Variants in WWTR1 observed in about 807,000 individuals in gnomAD.
WWTR1 encodes WW domain-containing transcription regulator protein 1.
WWTR1 carries 13 observed loss-of-function variants against 40.1 expected under a neutral mutation model. The ratio of observed to expected loss-of-function variants is 0.32; its 90% CI spans 0.21 to 0.52. The LOEUF (loss-of-function observed/expected upper bound fraction) is 0.52. WWTR1 is among the 20% of genes least tolerant of loss of function. The probability of loss-of-function intolerance (pLI) is 0.97; values close to 1 mark genes in which losing one functional copy is unlikely to be tolerated. For missense variants in WWTR1, 436 were observed against 523.1 expected (o/e 0.83, Z 1.63); for synonymous variants, 230 against 210.1 (o/e 1.09, Z -0.82).
At chr3:149,640,973 G>A (rs1712140830) in intron 2 of WWTR1, among the ~76,000 whole-genome samples, 1 of 151,940 alleles carries the variant, frequency 6.6e-6, no homozygotes, top group African/African-American at 2.4e-5. Flanking sequence ...CAAGTCACTG[G>A]CAAATCAAAG....
chr3:149,616,494 G>A (rs1442217956), intron 2 of WWTR1, among the ~76,000 whole-genome samples: 3 of 151,188 alleles, frequency 2.0e-5, no homozygotes, highest in Non-Finnish European at 4.4e-5. Context: ...CCAGGCTGGA[G>A]TGCAATGGCA....
intron 1 of WWTR1, among the ~76,000 whole-genome samples, chr3:149,698,993 C>A (rs1453918617): frequency 1.3e-5 from 2 of 152,190 alleles, no homozygotes; most frequent in Non-Finnish European, 2.9e-5. Context: ...AGGCCTTTTT[C>A]CCATTGTCTT....
Position 149,519,938 on chromosome 3 carries a change from G to A in WWTR1, c.*867C>T, listed in dbSNP as rs1261793584. ...AGCCTGGACAACAAGAGCAAAACTC[G>A]ATCTCAAAAACAAACAAACAACATC... On this transcript the variant is annotated 3_prime_UTR_variant, in exon 7 of 7. Transcript: ENST00000360632. 6.7e-6 allele frequency: 1 copy of A among 149,508 alleles called. No individual in the cohort carries two copies. Among genetic ancestry groups the A allele is most frequent in the Non-Finnish European group, 1.5e-5 (1 of 67,316 alleles). The allele number at this position is 149,508 out of a possible 1,614,324, so 9.3% of individuals were successfully genotyped here. A position where few individuals can be genotyped will look rare whatever the true frequency, so the allele number is the denominator to read the frequency against.
chr3:149,652,705 T>G (rs1304619007), intron 2 of WWTR1, among the ~76,000 whole-genome samples: 1 of 115,012 alleles, frequency 8.7e-6, no homozygotes, highest in Non-Finnish European at 1.9e-5. Context: ...CAGACAAATT[T>G]AAAATATTAT....
intron 3 of WWTR1, among the ~76,000 whole-genome samples, chr3:149,551,894 A>G (rs1410862914): frequency 1.4e-5 from 2 of 146,040 alleles, no homozygotes; most frequent in African/African-American, 5.2e-5. Context: ...TCCTTGGATT[A>G]AAAATTGGTG....
chr3:149,536,740 C>T (rs1735855172), intron 4 of WWTR1, among the ~76,000 whole-genome samples: 1 of 135,362 alleles, frequency 7.4e-6, no homozygotes, highest in South Asian at 2.5e-4. Context: ...TTCTCCTGTC[C>T]CCCAACCCCC....
At position 149,679,780 on chromosome 3, in the gene WWTR1, A is replaced by G. The variant is rs78394984; in HGVS notation, c.-107-9889T>C. Among the ~76,000 whole-genome samples the G allele has an allele frequency of 4.2e-3, 635 of 152,276 alleles. 5 individuals carry two copies. The highest frequency in any genetic ancestry group is 0.015 in the African/African-American group (610 of 41,558). The stretch of plus-strand genomic sequence containing the variant: ...TAAAAACCTCTCAGGTGGAATAATG[A>G]TATACTTTTATGAGGAAATGGACAG... On this transcript the variant is annotated intron_variant, in intron 1 of 7. Transcript: ENST00000465804.
chr3:149,663,093 C>T (rs1300704161), intron 2 of WWTR1, among the ~76,000 whole-genome samples: 3 of 152,050 alleles, frequency 2.0e-5, no homozygotes, highest in South Asian at 2.1e-4. Context: ...AGTGCAATGG[C>T]GCAATCTCAG....
chr3:149,667,004 C>G (rs4681536), intron 2 of WWTR1, among the ~76,000 whole-genome samples: 4 of 152,072 alleles, frequency 2.6e-5, no homozygotes, highest in Admixed American at 2.6e-4. Context: ...AAATGTATAT[C>G]GAAGCTTAGT....
intron 2 of WWTR1, among the ~76,000 whole-genome samples, chr3:149,603,150 A>C (rs1739322381): frequency 6.6e-6 from 1 of 152,178 alleles, no homozygotes; most frequent in Admixed American, 6.5e-5. Context: ...TTGAGGAACA[A>C]GGGTCTCCAC....
chr3:149,579,965 C>T (rs1738064096), intron 2 of WWTR1, among the ~76,000 whole-genome samples: 1 of 152,152 alleles, frequency 6.6e-6, no homozygotes, highest in Non-Finnish European at 1.5e-5. Context: ...TAAATCTGAC[C>T]CACTGTCAGT....
intron 2 of WWTR1, among the ~76,000 whole-genome samples, chr3:149,654,140 T>C (rs1223315133): frequency 7.3e-6 from 1 of 136,240 alleles, no homozygotes; most frequent in Non-Finnish European, 1.6e-5. Context: ...AAAAAAAAAA[T>C]GTATCTGCTA....
intron 2 of WWTR1, among the ~76,000 whole-genome samples, chr3:149,622,492 AGG>A (rs1740334887): frequency 7.2e-6 from 1 of 138,954 alleles, no homozygotes; most frequent in African/African-American, 2.8e-5. Flanking sequence ...GAAGGAAGGA[AGG>A]AAGGAAGGAA....
At chr3:149,648,521 C>T (rs1028887773) in intron 2 of WWTR1, among the ~76,000 whole-genome samples, 2 of 151,794 alleles carry the variant, frequency 1.3e-5, no homozygotes, top group Non-Finnish European at 2.9e-5. Context: ...GCAGCAGCAT[C>T]TAATCCAGAG....
At chr3:149,723,125 A>T (rs1715793882) in intron 4 of WWTR1, among the ~76,000 whole-genome samples, 1 of 151,502 alleles carries the variant, frequency 6.6e-6, no homozygotes, top group South Asian at 2.1e-4. Flanking sequence ...TGAATCTAAT[A>T]ATGTGGTAAC....
intron 5 of WWTR1, among the ~76,000 whole-genome samples, chr3:149,712,299 C>T (rs1715493854): frequency 6.6e-6 from 1 of 151,708 alleles, no homozygotes; most frequent in Non-Finnish European, 1.5e-5. Flanking sequence ...CCTATCCTTG[C>T]TATAAAATAA....
At chr3:149,680,206 C>T (rs943933808) in intron 1 of WWTR1, among the ~76,000 whole-genome samples, 1 of 152,160 alleles carries the variant, frequency 6.6e-6, no homozygotes, top group Non-Finnish European at 1.5e-5. Flanking sequence ...GATTACCTTA[C>T]ATGTAGAGCT....
intron 3 of WWTR1, among the ~76,000 whole-genome samples, chr3:149,563,582 C>T (rs1232483444): frequency 6.6e-6 from 1 of 152,090 alleles, no homozygotes; most frequent in African/African-American, 2.4e-5. Context: ...AAGTCAATGC[C>T]CTAGTAAATG....
At chr3:149,651,856 G>A (rs1712889622) in intron 2 of WWTR1, among the ~76,000 whole-genome samples, 1 of 142,730 alleles carries the variant, frequency 7.0e-6, no homozygotes, top group Non-Finnish European at 1.5e-5. Flanking sequence ...TTGAGATGGA[G>A]TCTGGCTCTG....
Sources: gnomAD v4.1 joint callset for allele counts (sites outside exome capture counted in the v4.1 genomes callset) on GRCh38, gnomAD v4.1.1 for gene constraint, MANE v1.5 for transcripts, NCBI Gene and HGNC (gene_info 2026-07-23, HGNC 2026-07-21) for gene names.